Variants in ZSCAN31 observed in about 807,000 individuals in gnomAD.
The protein encoded by ZSCAN31 is zinc finger and SCAN domain-containing protein 31.
Under a neutral mutation model 22.5 loss-of-function variants are expected in ZSCAN31, and 14 were observed. The observed-to-expected ratio is 0.62, with a 90% CI of 0.41 to 0.97. The LOEUF is 0.97. Ranked by LOEUF, ZSCAN31 falls within the 50% of genes least tolerant of loss-of-function variation. The probability of loss-of-function intolerance (pLI) is 0.00; values close to 1 mark genes in which losing one functional copy is unlikely to be tolerated. For missense variants in ZSCAN31, 424 were observed against 483.4 expected (o/e 0.88, Z 1.15); for synonymous variants, 168 against 169.8 (o/e 0.99, Z 0.08).
rs1007950691 is a variant in ZSCAN31, at chr6:28,325,265, A to G, written c.*901T>C. 1.3e-5 allele frequency: 2 copies of G among 152,202 alleles called. No individual in the cohort carries two copies. The highest frequency in any genetic ancestry group is 2.9e-5 in the Non-Finnish European group (2 of 68,034). 9.4% of individuals were successfully genotyped at this position (152,202 alleles called of 1,614,324 possible). ...ACTCAAAGTTGCTGACCAACCCCCA[A>G]AAGAAGAATAATGCTGACATAAAAG... On this transcript the variant is annotated 3_prime_UTR_variant, in exon 4 of 4. Transcript: ENST00000344279.
At position 28,333,165 on chromosome 6, in the gene ZSCAN31, G is replaced by T. The variant is rs1054123924; in HGVS notation, c.-96+2917C>A. Reference sequence around the variant, plus strand: ...ACTGTTTCATTCCAGGACCTGCAGTGGACTTCCACACTCATGAAAGGGAGA... The same window carrying T: ...ACTGTTTCATTCCAGGACCTGCAGTTGACTTCCACACTCATGAAAGGGAGA... On this transcript the variant is annotated intron_variant, in intron 1 of 3. Transcript: ENST00000344279. This position sits in a 1 kb window ranked among gnomAD's most constrained non-coding sequence, Gnocchi z 4.1. Among the ~76,000 whole-genome samples the T allele has an allele frequency of 1.3e-5, 2 of 152,092 alleles. No individual in the cohort carries two copies. The highest frequency in any genetic ancestry group is 4.8e-5 in the African/African-American group (2 of 41,384).
At position 28,351,908 on chromosome 6, in the gene ZSCAN31, A is replaced by G. The variant is rs772222217; in HGVS notation, c.-371+1954T>C. ...AATATAATCATAGTATCATGATCACACGCAAAAAAATTGACAATAATTCCT... is the reference window on the plus strand; with the variant it reads ...AATATAATCATAGTATCATGATCACGCGCAAAAAAATTGACAATAATTCCT... On this transcript the variant is annotated intron_variant, in intron 2 of 7. Coordinates refer to the ZSCAN31 transcript ENST00000396838. The surrounding 1 kb of genome is among the most constrained non-coding windows in gnomAD (Gnocchi z 4.6). 6.6e-6 allele frequency among the ~76,000 whole-genome samples: 1 copy of G among 152,108 alleles called. No individual in the cohort carries two copies. The highest frequency in any genetic ancestry group is 1.5e-5 in the Non-Finnish European group (1 of 68,028).
intron 1 of ZSCAN31, chr6:28,332,236 A>T (rs1480951232): frequency 1.3e-5 from 2 of 152,174 alleles, no homozygotes; most frequent in East Asian, 3.8e-4. Flanking sequence ...CAGATTACAG[A>T]CACTTCTTAT....
chr6:28,343,508 T>C (rs1046803339), intron 2 of ZSCAN31, among the ~76,000 whole-genome samples: 1 of 151,548 alleles, frequency 6.6e-6, no homozygotes, highest in Non-Finnish European at 1.5e-5. Context: ...CAATGCTATA[T>C]GCTGCATATT....
chr6:28,342,441 G>A (rs894040124), intron 2 of ZSCAN31, among the ~76,000 whole-genome samples: 1 of 152,084 alleles, frequency 6.6e-6, no homozygotes, highest in Non-Finnish European at 1.5e-5. Flanking sequence ...AGTTCCTAGG[G>A]TTACATCACA....
chr6:28,347,951 C>T lies in ZSCAN31; in HGVS notation c.-371+5911G>A, dbSNP rs75530353. On this transcript the variant is annotated intron_variant, in intron 2 of 7. Transcript: ENST00000396838. The surrounding 1 kb of genome is among the most constrained non-coding windows in gnomAD (Gnocchi z 5.2). ...TGGTATAAAATGATTTAAAATTTGCCTTTATTTAATTGCTAATGATTAACT... is the reference window on the plus strand; with the variant it reads ...TGGTATAAAATGATTTAAAATTTGCTTTTATTTAATTGCTAATGATTAACT... Among the ~76,000 whole-genome samples, 1,034 of 152,100 alleles carry T rather than the reference C, an allele frequency of 6.8e-3. 11 individuals are homozygous for T. The highest frequency in any genetic ancestry group is 0.064 in the East Asian group (333 of 5,186).
At chr6:28,354,917 C>T (rs114485618), upstream of ZSCAN31, among the ~76,000 whole-genome samples, 166 of 152,336 alleles carry the variant, frequency 1.1e-3, 1 homozygote, top group African/African-American at 3.8e-3. Context: ...GTGCAGATTA[C>T]GTGTCACCTT....
At chr6:28,346,821 C>G in intron 2 of ZSCAN31, among the ~76,000 whole-genome samples, 1 of 152,226 alleles carries the variant, frequency 6.6e-6, no homozygotes, top group East Asian at 1.9e-4. Context: ...AGGAGAGAGA[C>G]AGTAAATATC....
At chr6:28,341,930 G>A (rs1475963012) in intron 2 of ZSCAN31, 1 of 152,186 alleles carries the variant, frequency 6.6e-6, no homozygotes, top group Admixed American at 6.5e-5. Context: ...AAAGGCCCTA[G>A]AAGGAATGTT....
At chr6:28,340,290 T>C (rs1404474571), upstream of ZSCAN31, among the ~76,000 whole-genome samples, 1 of 152,234 alleles carries the variant, frequency 6.6e-6, no homozygotes, top group Non-Finnish European at 1.5e-5. Context: ...CTCTTGCCCA[T>C]TGATATGGTT....
Position 28,333,428 on chromosome 6 carries a change from C to T in ZSCAN31, c.-96+2654G>A, listed in dbSNP as rs1479983280. Among the ~76,000 whole-genome samples the T allele has an allele frequency of 3.9e-5, 6 of 151,924 alleles. No homozygotes were observed. The highest frequency in any genetic ancestry group is 1.3e-4 in the Admixed American group (2 of 15,252). On this transcript the variant is annotated intron_variant, in intron 1 of 3. Coordinates refer to ENST00000344279, the MANE Select transcript of ZSCAN31 (RefSeq NM_030899.5). This position sits in a 1 kb window ranked among gnomAD's most constrained non-coding sequence, Gnocchi z 4.1. ...TGTTTTGCTGGAGCAAACATTTTAA[C>T]GGGGAAGACAAACCAAAAATAAAAG...
chr6:28,344,975 CAAA>C (rs11320776), intron 2 of ZSCAN31, among the ~76,000 whole-genome samples: 1 of 123,942 alleles, frequency 8.1e-6, no homozygotes. Flanking sequence ...ACTAAAACTA[CAAA>C]AAAAAAAAAA....
intron 1 of ZSCAN31, chr6:28,335,234 G>GA (rs952469919): frequency 1.3e-5 from 2 of 152,112 alleles, no homozygotes; most frequent in African/African-American, 4.8e-5. Context: ...TAAGCCTGGG[G>GA]AAAAAATCAG....
upstream of ZSCAN31, chr6:28,336,841 G>A (rs1364069879): frequency 6.6e-6 from 1 of 152,214 alleles, no homozygotes; most frequent in Non-Finnish European, 1.5e-5. Context: ...ACATCACAAA[G>A]GAGAGATGGT....
At position 28,347,770 on chromosome 6, in the gene ZSCAN31, G is replaced by A. The variant is rs542215337; in HGVS notation, c.-370-5978C>T. Among the ~76,000 whole-genome samples, 33 of 85,800 alleles carry A rather than the reference G, an allele frequency of 3.8e-4. No homozygotes were observed. The highest frequency in any genetic ancestry group is 2.1e-3 in the African/African-American group (32 of 15,024). The allele number at this position is 85,800 out of a possible 152,430, so 56.3% of individuals were successfully genotyped here. A position where few individuals can be genotyped will look rare whatever the true frequency, so the allele number is the denominator to read the frequency against. Reference sequence around the variant, plus strand: ...AGTACTTTGAAGCTGCTGGGCCAATGTGTGTATCATTTTCAGGTTTACCAT... The same window carrying A: ...AGTACTTTGAAGCTGCTGGGCCAATATGTGTATCATTTTCAGGTTTACCAT... On this transcript the variant is annotated intron_variant, in intron 2 of 7. Transcript: ENST00000396838. The surrounding 1 kb of genome is among the most constrained non-coding windows in gnomAD (Gnocchi z 5.2).
At chr6:28,337,433 C>T (rs925023936), upstream of ZSCAN31, among the ~76,000 whole-genome samples, 1 of 152,066 alleles carries the variant, frequency 6.6e-6, no homozygotes, top group African/African-American at 2.4e-5. Context: ...GGCAGGGAGA[C>T]CAGCTAGGAG....
At chr6:28,348,008 T>C (rs1266503187) in intron 2 of ZSCAN31, among the ~76,000 whole-genome samples, 1 of 152,192 alleles carries the variant, frequency 6.6e-6, no homozygotes. Context: ...CATTCGAGAT[T>C]CCTCTCTGGG....
chr6:28,334,511 A>G lies in ZSCAN31; in HGVS notation c.-96+1571T>C, dbSNP rs540240618. On this transcript the variant is annotated intron_variant, in intron 1 of 3. Transcript: ENST00000344279. ...GCAACAAAGAGATCATGTAAATCACAAATCATGTGTGTTGTAAAATAAATC... is the reference window on the plus strand; with the variant it reads ...GCAACAAAGAGATCATGTAAATCACGAATCATGTGTGTTGTAAAATAAATC... Among the ~76,000 whole-genome samples, 3 of 152,378 alleles carry G rather than the reference A, an allele frequency of 2.0e-5. No individual in the cohort carries two copies. In the East Asian group the frequency reaches 5.8e-4, roughly 29 times the overall value.
At chr6:28,345,752 G>A (rs1764616838) in intron 2 of ZSCAN31, among the ~76,000 whole-genome samples, 1 of 152,150 alleles carries the variant, frequency 6.6e-6, no homozygotes, top group Non-Finnish European at 1.5e-5. Flanking sequence ...ATGACCATGG[G>A]ATCCACTGGT....
Sources: gnomAD v4.1 joint callset for allele counts (sites outside exome capture counted in the v4.1 genomes callset) on GRCh38, gnomAD v4.1.1 for gene constraint, Gnocchi (gnomAD v3.1) non-coding constraint, MANE v1.5 for transcripts, NCBI Gene and HGNC (gene_info 2026-07-23, HGNC 2026-07-21) for gene names.